RARB: variants seen among roughly 807,000 people sequenced by gnomAD.
RARB encodes HBV-activated protein.
RARB carries 17 observed loss-of-function variants against 51.9 expected under a neutral mutation model. The observed-to-expected ratio is 0.33, with a 90% CI of 0.22 to 0.49. RARB has a LOEUF of 0.49. Ranked by LOEUF, RARB falls within the 20% of genes least tolerant of loss-of-function variation. The pLI is 0.99. For synonymous variants in RARB, 215 were observed against 195.4 expected (o/e 1.10, Z -0.84); for missense variants, 369 against 550.8 (o/e 0.67, Z 3.30).
At chr3:24,919,610 G>A (rs1308308859) in intron 2 of RARB, among the ~76,000 whole-genome samples, 1 of 152,192 alleles carries the variant, frequency 6.6e-6, no homozygotes, top group Admixed American at 6.5e-5. Flanking sequence ...GGGTCTGGAG[G>A]CTGCCCAATT....
chr3:25,146,462 G>A (rs1481982736), intron 4 of RARB, among the ~76,000 whole-genome samples: 1 of 151,472 alleles, frequency 6.6e-6, no homozygotes, highest in East Asian at 1.9e-4. Flanking sequence ...ACAGGCTAGA[G>A]GACTCAGCCT....
intron 5 of RARB, among the ~76,000 whole-genome samples, chr3:25,208,102 G>T (rs569287121): frequency 2.0e-5 from 3 of 152,252 alleles, no homozygotes; most frequent in African/African-American, 7.2e-5. Flanking sequence ...TGCAAGGACA[G>T]TGCCGAGGGG....
chr3:25,322,562 G>C (rs1368190627), intron 5 of RARB, among the ~76,000 whole-genome samples: 1 of 152,008 alleles, frequency 6.6e-6, no homozygotes, highest in Non-Finnish European at 1.5e-5. Flanking sequence ...ATACTTATGT[G>C]CTCTGGAAGG....
chr3:24,855,744 A>AAT (rs1702622867), intron 1 of RARB, among the ~76,000 whole-genome samples: 1 of 110,218 alleles, frequency 9.1e-6, no homozygotes, highest in East Asian at 2.6e-4. Flanking sequence ...GGAAATCTGC[A>AAT]TTTTTTTTTT....
At chr3:25,131,505 T>G (rs1216060624) in intron 3 of RARB, among the ~76,000 whole-genome samples, 1 of 152,074 alleles carries the variant, frequency 6.6e-6, no homozygotes, top group Admixed American at 6.6e-5. Flanking sequence ...AGTGTTTATG[T>G]TGCATGTCTA....
chr3:25,123,608 C>T (rs1575171040), intron 3 of RARB, among the ~76,000 whole-genome samples: 1 of 152,280 alleles, frequency 6.6e-6, no homozygotes, highest in South Asian at 2.1e-4. Flanking sequence ...CTGGACTATC[C>T]TCATTCCCTT....
At chr3:25,412,818 G>A (rs1478269475) in intron 5 of RARB, among the ~76,000 whole-genome samples, 4 of 152,036 alleles carry the variant, frequency 2.6e-5, no homozygotes, top group East Asian at 1.9e-4. Flanking sequence ...TTGGGAGTTT[G>A]AGACCAGCCT....
At chr3:24,866,637 C>G (rs1203781733) in intron 2 of RARB, among the ~76,000 whole-genome samples, 3 of 152,196 alleles carry the variant, frequency 2.0e-5, no homozygotes, top group African/African-American at 7.2e-5. Flanking sequence ...TCTTAGTTAT[C>G]TGCAGGCCTC....
intron 2 of RARB, among the ~76,000 whole-genome samples, chr3:25,002,758 GTGTATA>G: frequency 8.0e-6 from 1 of 125,230 alleles, no homozygotes; most frequent in South Asian, 2.5e-4. Context: ...CTGTGTGTGT[GTGTATA>G]TATATATATA....
intron 3 of RARB, among the ~76,000 whole-genome samples, chr3:25,066,308 C>T (rs1575143893): frequency 6.6e-6 from 1 of 152,150 alleles, no homozygotes; most frequent in Non-Finnish European, 1.5e-5. Flanking sequence ...GTCTGGTACT[C>T]ATCAGGAAAG....
At chr3:25,153,463 C>T (rs576303399) in intron 4 of RARB, among the ~76,000 whole-genome samples, 1 of 150,376 alleles carries the variant, frequency 6.6e-6, no homozygotes, top group South Asian at 2.1e-4. Flanking sequence ...TCCATTTGTA[C>T]GACTTCTGCT....
At chr3:25,507,421 G>C (rs1191269179) in intron 3 of RARB, among the ~76,000 whole-genome samples, 1 of 152,206 alleles carries the variant, frequency 6.6e-6, no homozygotes, top group African/African-American at 2.4e-5. Context: ...CTTGGAGGCT[G>C]TGTTTTCTAC....
chr3:25,566,987 G>C (rs1376503101), intron 3 of RARB, among the ~76,000 whole-genome samples: 2 of 152,152 alleles, frequency 1.3e-5, no homozygotes, highest in Non-Finnish European at 2.9e-5. Context: ...GATGCCCAGT[G>C]GCCCTTGCCA....
chr3:25,130,951 T>TATCAATATTTATC (rs1559477597), intron 3 of RARB, among the ~76,000 whole-genome samples: 1,458 of 80,402 alleles, frequency 0.018, 53 homozygotes, highest in African/African-American at 0.069. Flanking sequence ...CAATATTTAT[T>TATCAATATTTATC]ATTGATAATA....
At chr3:25,296,941 C>T (rs1000282473) in intron 5 of RARB, among the ~76,000 whole-genome samples, 39 of 152,286 alleles carry the variant, frequency 2.6e-4, no homozygotes, top group Admixed American at 1.6e-3. Context: ...ATGGGCAGTC[C>T]GTGAGGCTCG....
chr3:24,921,470 C>T (rs1695215070), intron 2 of RARB, among the ~76,000 whole-genome samples: 1 of 152,140 alleles, frequency 6.6e-6, no homozygotes, highest in Non-Finnish European at 1.5e-5. Context: ...ATGAAGCATT[C>T]CTGTGATAAG....
intron 2 of RARB, among the ~76,000 whole-genome samples, chr3:24,972,429 T>G (rs1290392762): frequency 6.6e-6 from 1 of 152,114 alleles, no homozygotes; most frequent in Non-Finnish European, 1.5e-5. Context: ...TTAGCTCTTG[T>G]GAATCATGCT....
At chr3:25,101,605 A>G (rs1575160782) in intron 3 of RARB, among the ~76,000 whole-genome samples, 1 of 151,276 alleles carries the variant, frequency 6.6e-6, no homozygotes, top group Non-Finnish European at 1.5e-5. Flanking sequence ...TTGTGTAGTT[A>G]TATCAACATT....
chr3:24,904,862 G>C, intron 2 of RARB, among the ~76,000 whole-genome samples: 1 of 152,300 alleles, frequency 6.6e-6, no homozygotes, highest in East Asian at 1.9e-4. Flanking sequence ...GTCCTTTGCA[G>C]GGACATGGAT....
Sources: allele counts gnomAD v4.1 joint callset (sites outside exome capture counted in the v4.1 genomes callset), GRCh38; gene constraint gnomAD v4.1.1; transcripts MANE v1.5; gene names NCBI Gene and HGNC (gene_info 2026-07-23, HGNC 2026-07-21).